Variants in STAU2 observed in about 807,000 individuals in gnomAD.
STAU2 encodes double-stranded RNA-binding protein Staufen homolog 2.
STAU2 carries 20 observed loss-of-function variants against 65.9 expected under a neutral mutation model. The ratio of observed to expected loss-of-function variants is 0.30; its 90% CI spans 0.21 to 0.44. STAU2 has a LOEUF of 0.44. STAU2 is among the 20% of genes least tolerant of loss of function. The pLI, the probability that STAU2 is intolerant of heterozygous loss-of-function variation, is 1.00. For synonymous variants in STAU2, 232 were observed against 233.9 expected (o/e 0.99, Z 0.07); for missense variants, 558 against 683.9 (o/e 0.82, Z 2.05).
intron 13 of STAU2, among the ~76,000 whole-genome samples, chr8:73,539,292 C>T (rs1806370509): frequency 6.6e-6 from 1 of 152,034 alleles, no homozygotes; most frequent in African/African-American, 2.4e-5. Context: ...CAATAGACAC[C>T]AAACTCAATA....
At chr8:73,577,222 A>G (rs1809627837) in intron 12 of STAU2, among the ~76,000 whole-genome samples, 1 of 152,040 alleles carries the variant, frequency 6.6e-6, no homozygotes, top group Admixed American at 6.6e-5. Context: ...AGGTCAGGAG[A>G]TCGAGACCAT....
intron 5 of STAU2, among the ~76,000 whole-genome samples, chr8:73,685,265 A>T (rs1818716481): frequency 6.6e-6 from 1 of 152,178 alleles, no homozygotes; most frequent in African/African-American, 2.4e-5. Context: ...AGTTCTTTAT[A>T]GCAGTGTGAG....
intron 6 of STAU2, among the ~76,000 whole-genome samples, chr8:73,645,308 A>ATAG (rs1815287892): frequency 6.6e-6 from 1 of 152,216 alleles, no homozygotes; most frequent in Non-Finnish European, 1.5e-5. Context: ...CAATCAATGT[A>ATAG]ATCTATCACA....
intron 3 of STAU2, among the ~76,000 whole-genome samples, chr8:73,724,957 G>A (rs1805522242): frequency 6.6e-6 from 1 of 152,028 alleles, no homozygotes; most frequent in Non-Finnish European, 1.5e-5. Flanking sequence ...CAAAGTGCTG[G>A]GATACAGGCA....
rs533394154 is a variant in STAU2 at position 73,579,227 on chromosome 8, T to C, written c.1222+3543A>G. ...ATCTCATTCCACAAGTATTTGTCTT[T>C]GGTCATCTCTAATGAACCTACAAGT... is the stretch of plus-strand genomic sequence containing the variant. On this transcript the variant is annotated intron_variant, in intron 12 of 14. Coordinates refer to ENST00000524300, the MANE Select transcript of STAU2 (RefSeq NM_001164380.2). 2.0e-5 allele frequency among the ~76,000 whole-genome samples: 3 copies of C among 152,362 alleles called. No homozygotes were observed. The South Asian group carries it at 6.2e-4, about 32-fold the overall frequency.
rs568069602 is a variant in STAU2 at position 73,439,752 on chromosome 8, C to G, written c.1531-17050G>C. On this transcript the variant is annotated intron_variant, in intron 13 of 14. Coordinates refer to ENST00000524300, the MANE Select transcript of STAU2 (RefSeq NM_001164380.2). ...CATCTCCTAACTCACTTAATCTTCA[C>G]AGTAACCACAACAGGTTGGTTTGAC... 3.9e-5 allele frequency: 6 copies of G among 152,454 alleles called. No homozygotes were observed. In the East Asian group the frequency reaches 9.6e-4, roughly 24 times the overall value. 9.4% of individuals were successfully genotyped at this position (152,454 alleles called of 1,614,324 possible). A position where few individuals can be genotyped will look rare whatever the true frequency, so the allele number is the denominator to read the frequency against.
chr8:73,579,133 C>A (rs1421177178), intron 12 of STAU2, among the ~76,000 whole-genome samples: 1 of 152,104 alleles, frequency 6.6e-6, no homozygotes, highest in Non-Finnish European at 1.5e-5. Flanking sequence ...ATAATACATG[C>A]ATATGAAACA....
chr8:73,649,869 T>TTTTATA (rs1554555924), intron 6 of STAU2, among the ~76,000 whole-genome samples: 4 of 71,656 alleles, frequency 5.6e-5, no homozygotes, highest in African/African-American at 1.1e-4. Flanking sequence ...CTATATAATT[T>TTTTATA]TATATATATA....
At chr8:73,706,957 A>G (rs1820546960) in intron 4 of STAU2, among the ~76,000 whole-genome samples, 1 of 152,250 alleles carries the variant, frequency 6.6e-6, no homozygotes, top group Admixed American at 6.5e-5. Flanking sequence ...TCCTCCTAAG[A>G]GTCCTCCAGA....
chr8:73,656,705 G>A (rs1366374400), intron 6 of STAU2, among the ~76,000 whole-genome samples: 1 of 152,180 alleles, frequency 6.6e-6, no homozygotes, highest in Non-Finnish European at 1.5e-5. Context: ...TGGTAGAGCT[G>A]CAAACAGCTC....
chr8:73,684,681 A>G (rs1450722803), intron 5 of STAU2, among the ~76,000 whole-genome samples: 1 of 152,194 alleles, frequency 6.6e-6, no homozygotes, highest in Non-Finnish European at 1.5e-5. Context: ...CAACCCATAG[A>G]GTAGGAGAAA....
intron 6 of STAU2, among the ~76,000 whole-genome samples, chr8:73,657,510 A>T (rs1197938037): frequency 6.6e-6 from 1 of 152,242 alleles, no homozygotes; most frequent in African/African-American, 2.4e-5. Context: ...AGGAGAATTC[A>T]TAACCTTCAA....
chr8:73,637,365 A>G (rs1215529264), intron 6 of STAU2, among the ~76,000 whole-genome samples: 2 of 150,402 alleles, frequency 1.3e-5, no homozygotes, highest in Non-Finnish European at 3.0e-5. Flanking sequence ...AAAAAGACAT[A>G]TTATTTATGG....
chr8:73,701,759 T>A (rs971787448), intron 4 of STAU2, among the ~76,000 whole-genome samples: 1 of 151,072 alleles, frequency 6.6e-6, no homozygotes, highest in Non-Finnish European at 1.5e-5. Flanking sequence ...GAAATCAGTA[T>A]GTTGAAAAGA....
chr8:73,687,337 T>TTATATTTATAATTTATATAATATAAA (rs1563506801), intron 5 of STAU2, among the ~76,000 whole-genome samples: 2 of 100,904 alleles, frequency 2.0e-5, no homozygotes, highest in Non-Finnish European at 3.6e-5. Context: ...ATAAATATAA[T>TTATATTTATAATTTATATAATATAAA]TTATATTTAT....
At chr8:73,658,912 CAAA>C (rs1258296399) in intron 6 of STAU2, among the ~76,000 whole-genome samples, 2 of 131,478 alleles carry the variant, frequency 1.5e-5, no homozygotes, top group African/African-American at 5.7e-5. Context: ...AACTCCGTCT[CAAA>C]AAACAACAAC....
At chr8:73,444,294 T>G (rs1818347463) in intron 13 of STAU2, among the ~76,000 whole-genome samples, 1 of 151,384 alleles carries the variant, frequency 6.6e-6, no homozygotes, top group African/African-American at 2.4e-5. Flanking sequence ...TAATCCCAGA[T>G]ACTCTGGAGG....
In STAU2 at chr8:73,717,110, A is replaced by G. The variant is rs534983334; in HGVS notation, c.-17-7948T>C. Among the ~76,000 whole-genome samples, 47 of 152,292 alleles carry G rather than the reference A, an allele frequency of 3.1e-4. No homozygotes were observed. The South Asian group carries it at 9.1e-3, about 30-fold the overall frequency. ...GAGCAAGACTCTGTCTCCAAAAAAA[A>G]TAAATAAAGTAGTAGGAAAAAGATG... On this transcript the variant is annotated intron_variant, in intron 3 of 14. Coordinates refer to ENST00000524300, the MANE Select transcript of STAU2 (RefSeq NM_001164380.2).
intron 13 of STAU2, chr8:73,550,409 A>G (rs1224230527): frequency 1.1e-5 from 11 of 985,178 alleles, no homozygotes; most frequent in Non-Finnish European, 1.3e-5. Flanking sequence ...TCTGGTAGCA[A>G]AATTACAGCT....
Sources: gnomAD v4.1 joint callset for allele counts (sites outside exome capture counted in the v4.1 genomes callset) on GRCh38, gnomAD v4.1.1 for gene constraint, MANE v1.5 for transcripts, NCBI Gene and HGNC (gene_info 2026-07-23, HGNC 2026-07-21) for gene names.